The following RAC2 variants were observed in gnomAD, a reference collection of about 807,000 sequenced individuals.
RAC2 encodes the protein ras-related C3 botulinum toxin substrate 2.
A neutral mutation model predicts 24.0 loss-of-function variants in RAC2; 1 was observed. The ratio of observed to expected loss-of-function variants is 0.04; its 90% confidence interval spans 0.01 to 0.20. The LOEUF is 0.20. Ranked by LOEUF, RAC2 falls within the 10% of genes least tolerant of loss-of-function variation. The pLI is 1.00. For missense variants in RAC2, 130 were observed against 259.1 expected (o/e 0.50, Z 3.42); for synonymous variants, 114 against 106.8 (o/e 1.07, Z -0.41).
chr22:37,241,112 G>A lies in RAC2; in HGVS notation c.107+475C>T, dbSNP rs374813762. On this transcript the variant is annotated intron_variant, in intron 2 of 6. Coordinates refer to ENST00000249071, the MANE Select transcript of RAC2 (RefSeq NM_002872.5). ...TCTGACACCAACACGCTCCCTCCAC[G>A]TCCGATGACAGCCCTGCCTCCGCAT... The A allele has an allele frequency of 5.7e-4, 440 of 777,192 alleles. No homozygotes were observed. The East Asian group carries it at 8.7e-3, about 15-fold the overall frequency. The allele number at this position is 777,192 out of a possible 1,614,324, so 48.1% of individuals were successfully genotyped here.
intron 2 of RAC2, among the ~76,000 whole-genome samples, chr22:37,236,646 G>A (rs1224650116): frequency 6.6e-6 from 1 of 152,212 alleles, no homozygotes; most frequent in African/African-American, 2.4e-5. Context: ...GAGTGGAGGA[G>A]GGGAATGGGG....
At chr22:37,226,864 C>A in intron 5 of RAC2, 61 bp from the exon 6 acceptor site, 1 of 1,596,948 alleles carries the variant, frequency 6.3e-7, no homozygotes, top group African/African-American at 1.4e-5. Context: ...TCTGGGCCAA[C>A]ATGTCTCCTA....
At chr22:37,240,971 T>A in intron 2 of RAC2, 1 of 711,914 alleles carries the variant, frequency 1.4e-6, no homozygotes, top group South Asian at 1.5e-5. Flanking sequence ...GTGAAGGCCA[T>A]CAGGAGCCTT....
chr22:37,229,346 C>CTT (rs1926985910), intron 5 of RAC2, among the ~76,000 whole-genome samples: 1 of 152,144 alleles, frequency 6.6e-6, no homozygotes, highest in Non-Finnish European at 1.5e-5. Context: ...TGGCCCTCAG[C>CTT]TTTGTGGCTT....
intron 2 of RAC2, among the ~76,000 whole-genome samples, chr22:37,239,358 C>T (rs1261878631): frequency 6.6e-6 from 1 of 152,200 alleles, no homozygotes; most frequent in African/African-American, 2.4e-5. Flanking sequence ...GCATGGGGCC[C>T]TGTGCAATTG....
At chr22:37,239,740 G>A (rs888724648) in intron 2 of RAC2, among the ~76,000 whole-genome samples, 6 of 152,152 alleles carry the variant, frequency 3.9e-5, no homozygotes, top group African/African-American at 7.2e-5. Flanking sequence ...GCACAAAGGC[G>A]GGACAAGGTC....
chr22:37,236,784 G>A (rs1265376677), intron 2 of RAC2, among the ~76,000 whole-genome samples: 1 of 152,180 alleles, frequency 6.6e-6, no homozygotes, highest in Admixed American at 6.5e-5. Flanking sequence ...ACTTGGGGGT[G>A]AGAAAGGATT....
intron 5 of RAC2, among the ~76,000 whole-genome samples, chr22:37,229,466 G>A (rs139516372): frequency 1.3e-3 from 202 of 152,298 alleles, no homozygotes; most frequent in African/African-American, 4.5e-3. Flanking sequence ...AGAGCTCTTC[G>A]TCATAGCTGC....
At chr22:37,243,991 T>C (rs538856757) in intron 1 of RAC2, 123 bp downstream of exon 1, 412 of 1,355,262 alleles carry the variant, frequency 3.0e-4, no homozygotes, top group Admixed American at 5.0e-4. Context: ...AAGCGTCCCC[T>C]CCAAGCTGCC....
At chr22:37,232,423 C>T (rs149390285) in intron 3 of RAC2, 12 of 424,408 alleles carry the variant, frequency 2.8e-5, no homozygotes, top group South Asian at 2.4e-4. Context: ...GGAGGAAGGG[C>T]GAGGACCCAG....
rs749761322 is a variant in RAC2, at chr22:37,231,940, G to A, written c.280C>T (p.Arg94Cys). ...CACCCTGTCCAGCTCACCTTGGCGC[G>A]GACGTTCTCATAAGAGGCTGGGCTG... is the stretch of plus-strand genomic sequence containing the variant. The part of the protein sequence containing the change: ...LVSPASYENV[R>C]AKWFPEVRHH... The change falls in exon 4 of 7, where the codon CGC (arginine) becomes TGC (cysteine). Residue 94 changes from arginine (R) to cysteine (C), a missense_variant. Coordinates refer to ENST00000249071, the MANE Select transcript of RAC2 (RefSeq NM_002872.5). The surrounding 1 kb of genome is among the most constrained non-coding windows in gnomAD (Gnocchi z 5.5). 8 of 1,552,034 alleles carry A rather than the reference G, an allele frequency of 5.2e-6. No individual in the cohort carries two copies. The highest frequency in any genetic ancestry group is 1.2e-5 in the South Asian group (1 of 84,064).
intron 2 of RAC2, among the ~76,000 whole-genome samples, chr22:37,238,634 C>G (rs554100757): frequency 6.6e-6 from 1 of 152,212 alleles, no homozygotes; most frequent in Non-Finnish European, 1.5e-5. Flanking sequence ...CACAGGCACA[C>G]GAGGGCACTG....
intron 2 of RAC2, among the ~76,000 whole-genome samples, chr22:37,238,591 C>T (rs1237705391): frequency 6.6e-6 from 1 of 152,192 alleles, no homozygotes; most frequent in South Asian, 2.1e-4. Context: ...TTGGTTCTAA[C>T]GAGGTGAGGT....
At chr22:37,228,869 G>T (rs564879886) in intron 5 of RAC2, among the ~76,000 whole-genome samples, 1 of 152,218 alleles carries the variant, frequency 6.6e-6, no homozygotes, top group Non-Finnish European at 1.5e-5. Flanking sequence ...CATGCTGGGC[G>T]TCTCCCCTCT....
At chr22:37,241,772 G>T in intron 1 of RAC2, 114 bp from the exon 2 acceptor site, 1 of 906,608 alleles carries the variant, frequency 1.1e-6, no homozygotes, top group Non-Finnish European at 1.8e-6. Flanking sequence ...TAGCCCTCTG[G>T]GCCTCCGTCT....
Position 37,226,761 on chromosome 22 carries a change from C to G in RAC2, c.491G>C (p.Gly164Ala), listed in dbSNP as rs1246701804. Residue 164 changes from glycine to alanine, a missense_variant, in exon 6 of 7, where the codon GGC (glycine) becomes GCC (alanine). Transcript: ENST00000249071. ...YLECSALTQR[G>A]LKTVFDEAIR... is the part of the protein sequence containing the mutation. The stretch of plus-strand genomic sequence containing the variant: ...GGCCTCGTCGAACACGGTTTTCAGG[C>G]CTCTCTGGGTGAGAGCTGAGCACTC... The G allele has an allele frequency of 6.2e-7, 1 of 1,613,146 alleles. No homozygotes were observed. The highest frequency in any genetic ancestry group is 8.5e-7 in the Non-Finnish European group (1 of 1,179,588).
chr22:37,231,882 C>T lies in RAC2; in HGVS notation c.288+50G>A, dbSNP rs1191086657. On this transcript the variant is annotated intron_variant, in intron 4 of 6. Coordinates refer to ENST00000249071, the MANE Select transcript of RAC2 (RefSeq NM_002872.5). This position sits in a 1 kb window ranked among gnomAD's most constrained non-coding sequence, Gnocchi z 5.5. ...GAGTCACCAGTTCCTCCCTCTGTCCCTCAGGGTTACCTGCCCCAGAGCCCC... is the reference window on the plus strand; with the variant it reads ...GAGTCACCAGTTCCTCCCTCTGTCCTTCAGGGTTACCTGCCCCAGAGCCCC... 1 of 1,541,754 alleles carries T rather than the reference C, an allele frequency of 6.5e-7. No homozygotes were observed. The highest frequency in any genetic ancestry group is 1.4e-5 in the African/African-American group (1 of 72,906).
intron 2 of RAC2, among the ~76,000 whole-genome samples, chr22:37,240,052 G>A (rs1449594043): frequency 1.3e-5 from 2 of 152,162 alleles, no homozygotes; most frequent in African/African-American, 2.4e-5. Flanking sequence ...GCCCTCTCCT[G>A]GCTGCCTGCC....
rs1927075834 is a variant in RAC2 at position 37,231,916 on chromosome 22, A to G, written c.288+16T>C. 1.3e-6 allele frequency: 2 copies of G among 1,551,264 alleles called. No individual in the cohort carries two copies. The highest frequency in any genetic ancestry group is 2.0e-5 in the Admixed American group (1 of 50,968). ...ACCTGCCCCAGAGCCCCCAAGGCCC[A>G]CCCTGTCCAGCTCACCTTGGCGCGG... On this transcript the variant is annotated intron_variant, in intron 4 of 6. Coordinates refer to ENST00000249071, the MANE Select transcript of RAC2 (RefSeq NM_002872.5). The surrounding 1 kb of genome is among the most constrained non-coding windows in gnomAD (Gnocchi z 5.5).
Sources: allele counts gnomAD v4.1 joint callset (sites outside exome capture counted in the v4.1 genomes callset), GRCh38; gene constraint gnomAD v4.1.1; non-coding constraint Gnocchi (gnomAD v3.1); transcripts MANE v1.5; gene names NCBI Gene and HGNC (gene_info 2026-07-23, HGNC 2026-07-21).